The following INPP5F variants were observed in gnomAD, a reference collection of about 807,000 sequenced individuals.
INPP5F encodes phosphatidylinositide 4-phosphatase SAC2.
Under a neutral mutation model 137.2 loss-of-function variants are expected in INPP5F, and 97 were observed. The observed-to-expected ratio is 0.71, with a 90% confidence interval of 0.60 to 0.84. The LOEUF is 0.84. INPP5F is among the 40% of genes least tolerant of loss of function. The probability of loss-of-function intolerance (pLI) is 0.00; values close to 1 mark genes in which losing one functional copy is unlikely to be tolerated. For synonymous variants in INPP5F, 504 were observed against 476.9 expected, an observed-to-expected ratio of 1.06 and a Z score of -0.74; for missense variants, 1,271 against 1,371.9, an observed-to-expected ratio of 0.93 and a Z score of 1.16.
At chr10:119,777,338 TC>T (rs919775966) in intron 2 of INPP5F, among the ~76,000 whole-genome samples, 3 of 151,940 alleles carry the variant, frequency 2.0e-5, no homozygotes, top group Admixed American at 2.0e-4. Flanking sequence ...TGAAATCCCG[TC>T]CCTACTAAAA....
At chr10:119,745,978 A>G (rs1688354705) in intron 1 of INPP5F, among the ~76,000 whole-genome samples, 2 of 152,132 alleles carry the variant, frequency 1.3e-5, no homozygotes. Flanking sequence ...CTGGGATTAC[A>G]TGTGTGAGCC....
At chr10:119,774,261 CAAAAAAAAAA>C (rs572329987) in intron 2 of INPP5F, among the ~76,000 whole-genome samples, 1 of 82,138 alleles carries the variant, frequency 1.2e-5, no homozygotes. Flanking sequence ...ACTCAGTCTC[CAAAAAAAAAA>C]AAAAAAAAAA....
intron 9 of INPP5F, among the ~76,000 whole-genome samples, chr10:119,800,041 A>G (rs1236470879): frequency 1.3e-5 from 2 of 151,684 alleles, no homozygotes; most frequent in East Asian, 3.8e-4. Flanking sequence ...CTAAATTATA[A>G]ATATTAAAAT....
At chr10:119,795,939 GT>G (rs1850362008) in intron 6 of INPP5F, among the ~76,000 whole-genome samples, 1 of 151,942 alleles carries the variant, frequency 6.6e-6, no homozygotes, top group African/African-American at 2.4e-5. Context: ...CCAGTCAGGC[GT>G]GGCGGCGCGC....
chr10:119,771,017 G>C (rs1166589969), intron 2 of INPP5F, among the ~76,000 whole-genome samples: 1 of 152,094 alleles, frequency 6.6e-6, no homozygotes, highest in Non-Finnish European at 1.5e-5. Flanking sequence ...AGATTTGCAA[G>C]GTTACGCAAC....
intron 1 of INPP5F, among the ~76,000 whole-genome samples, chr10:119,746,589 C>T (rs548698157): frequency 2.6e-5 from 4 of 152,138 alleles, no homozygotes; most frequent in South Asian, 2.1e-4. Context: ...TCAGTAAATA[C>T]GGTAACTGAT....
chr10:119,762,470 T>C (rs189827041), intron 2 of INPP5F, among the ~76,000 whole-genome samples: 1 of 152,194 alleles, frequency 6.6e-6, no homozygotes, highest in East Asian at 1.9e-4. Flanking sequence ...AGGCCCCACC[T>C]CCCAATACCA....
chr10:119,777,436 G>T lies in INPP5F; in HGVS notation c.179-4199G>T, dbSNP rs182027512. Among the ~76,000 whole-genome samples the T allele has an allele frequency of 5.5e-3, 839 of 152,260 alleles. 24 individuals are homozygous for T. The highest frequency in any genetic ancestry group is 0.053 in the Admixed American group (805 of 15,300). ...AGCCACTTGGGAGGCTGAGACAGGA[G>T]AACTGCTTAAACCTGGGAGGCAGAG... On this transcript the variant is annotated intron_variant, in intron 2 of 19. Coordinates refer to ENST00000650623, the MANE Select transcript of INPP5F (RefSeq NM_014937.4).
At chr10:119,768,337 A>C (rs1414957967) in intron 2 of INPP5F, 2 of 152,260 alleles carry the variant, frequency 1.3e-5, no homozygotes, top group Admixed American at 1.3e-4. Flanking sequence ...GGAGTGAGCT[A>C]TGCTGATTGG....
intron 1 of INPP5F, among the ~76,000 whole-genome samples, chr10:119,728,413 G>A (rs1278251692): frequency 6.6e-6 from 1 of 152,076 alleles, no homozygotes; most frequent in Admixed American, 6.5e-5. Flanking sequence ...ATCTTTTTCT[G>A]TATATGGAAT....
Position 119,820,924 on chromosome 10 carries a change from T to TG in INPP5F, c.1958+8dup. 1.9e-6 allele frequency: 3 copies of TG among 1,571,578 alleles called. No homozygotes were observed. The South Asian group carries it at 3.3e-5, about 17-fold the overall frequency. Reference sequence around the variant, plus strand: ...CTGCCTACTACGTGGCCTAGTAAGTTGCTTATTGATTTAAAGGTTTTGATT... The same window carrying TG: ...CTGCCTACTACGTGGCCTAGTAAGTTGGCTTATTGATTTAAAGGTTTTGATT... On this transcript the variant is annotated splice_region_variant and intron_variant, in intron 16 of 19. Transcript: ENST00000650623.
chr10:119,816,531 C>G (rs1564850330), intron 15 of INPP5F: 1 of 152,248 alleles, frequency 6.6e-6, no homozygotes, highest in Non-Finnish European at 1.5e-5. Context: ...CTTCCACTTA[C>G]TGCAAGGCTT....
chr10:119,778,033 G>A (rs1272226686), intron 2 of INPP5F, among the ~76,000 whole-genome samples: 1 of 152,002 alleles, frequency 6.6e-6, no homozygotes, highest in Non-Finnish European at 1.5e-5. Context: ...TTGAGGCAGG[G>A]TCTCACTCTC....
At chr10:119,801,011 A>G (rs914903375) in intron 9 of INPP5F, among the ~76,000 whole-genome samples, 17 of 152,044 alleles carry the variant, frequency 1.1e-4, no homozygotes, top group Non-Finnish European at 2.5e-4. Context: ...GAGCAACTAG[A>G]ACTGTAATAG....
Position 119,813,453 on chromosome 10 carries a change from A to G in INPP5F, c.1886+1498A>G, listed in dbSNP as rs181733575. Among the ~76,000 whole-genome samples, 17 of 152,180 alleles carry G rather than the reference A, an allele frequency of 1.1e-4. No individual in the cohort carries two copies. The East Asian group carries it at 3.1e-3, about 28-fold the overall frequency. ...TTTGAGTCCAGGAGTTTGAGACCTC[A>G]TCTCTACAAAAAAATTTTAAAATTA... On this transcript the variant is annotated intron_variant, in intron 15 of 19. Coordinates refer to ENST00000650623, the MANE Select transcript of INPP5F (RefSeq NM_014937.4).
chr10:119,806,500 A>C lies in INPP5F; in HGVS notation c.1440+20A>C. 1 of 1,565,150 alleles carries C rather than the reference A, an allele frequency of 6.4e-7. No homozygotes were observed. On this transcript the variant is annotated intron_variant, in intron 12 of 19. Coordinates refer to ENST00000650623, the MANE Select transcript of INPP5F (RefSeq NM_014937.4). ...CAGCAGGTAATTTGGAGTCTGTTGG[A>C]TTGCAAATATTCATTTCGAAATGCT...
rs530108641 is a variant in INPP5F at position 119,827,402 on chromosome 10, A to T, written c.3021A>T (p.Thr1007=). Reference sequence around the variant, plus strand: ...CCCAATCAGAATCAACAGAACAGACACCTTCTCGGCCATCGCAATTAGATG... The same window carrying T: ...CCCAATCAGAATCAACAGAACAGACTCCTTCTCGGCCATCGCAATTAGATG... The part of the protein sequence containing the change: ...NETQSESTEQ[T]PSRPSQLDVS... Residue 1007 remains threonine, a synonymous_variant, in exon 20 of 20, where the codon ACA becomes ACT. Coordinates refer to ENST00000650623, the MANE Select transcript of INPP5F (RefSeq NM_014937.4). 1.9e-6 allele frequency: 3 copies of T among 1,614,082 alleles called. No homozygotes were observed. In the South Asian group the frequency reaches 3.3e-5, roughly 18 times the overall value.
At position 119,794,824 on chromosome 10, in the gene INPP5F, A is replaced by T. The variant is rs1437387677; in HGVS notation, c.670-1891A>T. Among the ~76,000 whole-genome samples the T allele has an allele frequency of 1.2e-3, 75 of 63,026 alleles. 3 individuals are homozygous for T. Among genetic ancestry groups the T allele is most frequent in the Non-Finnish European group, 2.1e-3 (58 of 28,226 alleles). The allele number at this position is 63,026 out of a possible 152,430, so 41.3% of individuals were successfully genotyped here. On this transcript the variant is annotated intron_variant, in intron 6 of 19. Transcript: ENST00000650623. ...CCCCCCCACCTCCCTCCCTCCCAGA[A>T]GGGGCGGCTGGCCGGGCGGGGGTCT...
At position 119,821,961 on chromosome 10, in the gene INPP5F, CGGGTTCAAGTGATTCTCCTCCT is replaced by C. The variant is rs376887038; in HGVS notation, c.1959-450_1959-429del. On this transcript the variant is annotated intron_variant, in intron 16 of 19. Transcript: ENST00000650623. ...TCTGCTCACTGCAACCTCCGCCTCT[CGGGTTCAAGTGATTCTCCTCCT>C]GGGTTCAAGTGATTCTCCTGCTTCA... 6.8e-3 allele frequency among the ~76,000 whole-genome samples: 1,009 copies of C among 148,830 alleles called. 11 individuals carry two copies. Among genetic ancestry groups the C allele is most frequent in the African/African-American group, 0.023 (946 of 40,460 alleles).
Sources: gnomAD v4.1 joint callset for allele counts (sites outside exome capture counted in the v4.1 genomes callset) on GRCh38, gnomAD v4.1.1 for gene constraint, MANE v1.5 for transcripts, NCBI Gene and HGNC (gene_info 2026-07-23, HGNC 2026-07-21) for gene names.